MILR1: variants seen among roughly 807,000 people sequenced by gnomAD.
The protein encoded by MILR1 is allergin-1.
MILR1 carries 31 observed loss-of-function variants against 18.5 expected under a neutral mutation model. The observed-to-expected ratio is 1.68, with a 90% CI of 1.26 to 2.26. The LOEUF is 2.26. Among genes scored for constraint, MILR1 ranks in the 30% most tolerant of loss-of-function variants. The pLI, the probability that MILR1 is intolerant of heterozygous loss-of-function variation, is 0.00. For missense variants in MILR1, 257 were observed against 157.4 expected, an observed-to-expected ratio of 1.63 and a Z score of -3.38; for synonymous variants, 85 against 56.2, an observed-to-expected ratio of 1.51 and a Z score of -2.30.
chr17:64,483,493 G>A, the MILR1 span, among the ~76,000 whole-genome samples: 2 of 147,644 alleles, frequency 1.4e-5, no homozygotes, highest in Non-Finnish European at 3.0e-5. Flanking sequence ...TAGTCTGGGC[G>A]ACAGAGTGAG....
the MILR1 span, chr17:64,482,821 A>G: frequency 1.3e-6 from 1 of 746,610 alleles, no homozygotes; most frequent in Non-Finnish European, 2.4e-6. Flanking sequence ...ATGCAAATAT[A>G]CCAAAAAAAT....
the MILR1 span, among the ~76,000 whole-genome samples, chr17:64,493,545 C>T: frequency 6.6e-6 from 1 of 151,942 alleles, no homozygotes; most frequent in Non-Finnish European, 1.5e-5. Context: ...AGTGCAGTGG[C>T]AGGGTCTCGG....
chr17:64,497,262 C>T, the MILR1 span, among the ~76,000 whole-genome samples: 1,901 of 152,334 alleles, frequency 0.012, 43 homozygotes, highest in African/African-American at 0.043. Context: ...AAGGTTATTC[C>T]CACCTATTTA....
intron 8 of MILR1, among the ~76,000 whole-genome samples, chr17:64,467,110 G>A (rs1399616890): frequency 3.0e-5 from 3 of 100,360 alleles, no homozygotes; most frequent in African/African-American, 1.2e-4. Flanking sequence ...TTTCTTTCCT[G>A]CCTTTCTCCT....
the MILR1 span, among the ~76,000 whole-genome samples, chr17:64,492,074 A>C: frequency 6.6e-6 from 1 of 152,204 alleles, no homozygotes; most frequent in Non-Finnish European, 1.5e-5. Context: ...CCAGACTTTT[A>C]TGGCCAATGA....
chr17:64,490,553 G>C, the MILR1 span: 5 of 501,768 alleles, frequency 1.0e-5, no homozygotes, highest in East Asian at 1.9e-4. Flanking sequence ...CAAGATCTTG[G>C]ACCTATAAAT....
intron 8 of MILR1, among the ~76,000 whole-genome samples, chr17:64,467,024 CTCTTTCTTTCTT>C (rs137981021): frequency 2.8e-5 from 4 of 144,982 alleles, no homozygotes; most frequent in African/African-American, 5.2e-5. Context: ...TTCTTTCTTT[CTCTTTCTTTCTT>C]TCTTTCTTTC....
chr17:64,461,449 A>C (rs1317809935), intron 5 of MILR1, among the ~76,000 whole-genome samples: 8 of 151,942 alleles, frequency 5.3e-5, no homozygotes, highest in Admixed American at 5.3e-4. Flanking sequence ...GGGTTTCACC[A>C]TGTTGGCCAG....
At chr17:64,459,365 C>G (rs8064305) in intron 4 of MILR1, among the ~76,000 whole-genome samples, 5 of 151,938 alleles carry the variant, frequency 3.3e-5, no homozygotes. Flanking sequence ...CCTGAGAGGT[C>G]GAGGCTGCAG....
chr17:64,475,378 G>A, the MILR1 span, among the ~76,000 whole-genome samples: 3 of 152,050 alleles, frequency 2.0e-5, no homozygotes, highest in Non-Finnish European at 4.4e-5. Context: ...GCCGGGTGCG[G>A]TGGCTCATGC....
chr17:64,477,799 T>C, the MILR1 span: 4 of 1,541,546 alleles, frequency 2.6e-6, no homozygotes, highest in South Asian at 1.2e-5. Flanking sequence ...GAGAGAAGAA[T>C]ATTTATTATA....
chr17:64,474,274 C>T, the MILR1 span, among the ~76,000 whole-genome samples: 2 of 152,276 alleles, frequency 1.3e-5, no homozygotes, highest in South Asian at 4.1e-4. Flanking sequence ...GGGGTTTCAC[C>T]GTGTTGGCCA....
rs2037605138 is a variant in MILR1, at chr17:64,467,659, T to A, written c.*28+14T>A. 6.7e-7 allele frequency: 1 copy of A among 1,493,768 alleles called. No homozygotes were observed. 92.5% of individuals were successfully genotyped at this position (1,493,768 alleles called of 1,614,324 possible). ...CTACATCTCAGGGTAAGATGCTTTT[T>A]ATGAAGCTGATTTCCATGAACAAAA... On this transcript the variant is annotated intron_variant, in intron 9 of 9. Coordinates refer to ENST00000619286, the MANE Select transcript of MILR1 (RefSeq NM_001085423.2).
At chr17:64,489,022 CTTTTTCTTTTT>C in the MILR1 span, among the ~76,000 whole-genome samples, 808 of 148,610 alleles carry the variant, frequency 5.4e-3, 4 homozygotes, top group Middle Eastern at 0.01. Context: ...TATATTTTTT[CTTTTTCTTTTT>C]TTTTTTTTTT....
At chr17:64,450,866 TG>T (rs2037155049) in intron 2 of MILR1, among the ~76,000 whole-genome samples, 1 of 152,226 alleles carries the variant, frequency 6.6e-6, no homozygotes, top group Non-Finnish European at 1.5e-5. Flanking sequence ...CCCTGCTTTT[TG>T]GGGGCAATAT....
At chr17:64,489,373 AAAGGG>A in the MILR1 span, among the ~76,000 whole-genome samples, 11 of 151,930 alleles carry the variant, frequency 7.2e-5, no homozygotes, top group African/African-American at 2.7e-4. Flanking sequence ...AAAAAAAAAA[AAAGGG>A]AAGGGGAAAA....
chr17:64,460,820 A>G lies in MILR1; in HGVS notation c.653-2A>G. 1 of 475,022 alleles carries G rather than the reference A, an allele frequency of 2.1e-6. No homozygotes were observed. Among genetic ancestry groups the G allele is most frequent in the Admixed American group, 3.2e-5 (1 of 31,740 alleles). 29.4% of individuals were successfully genotyped at this position (475,022 alleles called of 1,614,324 possible). A position where few individuals can be genotyped will look rare whatever the true frequency, so the allele number is the denominator to read the frequency against. Reference sequence around the variant, plus strand: ...TCACCAATGGATGCGGTCTTCTTCCAGGCGGAGACAGCTGTCCTTTCTGTC... The same window carrying G: ...TCACCAATGGATGCGGTCTTCTTCCGGGCGGAGACAGCTGTCCTTTCTGTC... On this transcript the variant is annotated splice_acceptor_variant, in intron 4 of 9. Transcript: ENST00000619286. LOFTEE classifies it high-confidence loss of function.
chr17:64,496,344 C>T, the MILR1 span: 2 of 1,091,222 alleles, frequency 1.8e-6, no homozygotes, highest in Non-Finnish European at 2.7e-6. Flanking sequence ...CCCCAAGATC[C>T]AGCAAGACTG....
rs782237627 is a variant in MILR1, at chr17:64,465,522, T to C, written c.834T>C (p.Asn278=). 1 of 1,609,186 alleles carries C rather than the reference T, an allele frequency of 6.2e-7. No homozygotes were observed. Among genetic ancestry groups the C allele is most frequent in the Non-Finnish European group, 8.5e-7 (1 of 1,177,936 alleles). The change falls in exon 6 of 10, where the codon AAT becomes AAC. Residue 278 remains asparagine, a synonymous_variant. Transcript: ENST00000619286. The part of the protein sequence containing the change: ...DTAMEVGIYA[N]ILEKQAKEES... ...CCATGGAAGTTGGAATCTATGCAAATATCCTTGAAAAACAAGCAAGTAAGA... is the reference window on the plus strand; with the variant it reads ...CCATGGAAGTTGGAATCTATGCAAACATCCTTGAAAAACAAGCAAGTAAGA...
Sources: gnomAD v4.1 joint callset for allele counts (sites outside exome capture counted in the v4.1 genomes callset) on GRCh38, gnomAD v4.1.1 for gene constraint, MANE v1.5 for transcripts, NCBI Gene and HGNC (gene_info 2026-07-23, HGNC 2026-07-21) for gene names.